The following MRPS5 variants were observed in gnomAD, a reference collection of about 807,000 sequenced individuals.
MRPS5 encodes mitochondrial ribosomal protein S5.
A neutral mutation model predicts 51.9 loss-of-function variants in MRPS5; 27 were observed. That is an observed-to-expected ratio of 0.52 (90% CI 0.38 to 0.72). The LOEUF (loss-of-function observed/expected upper bound fraction) is 0.72. MRPS5 is among the 30% of genes least tolerant of loss of function. The pLI is 0.00. For synonymous variants in MRPS5, 196 were observed against 193.2 expected (o/e 1.01, Z -0.12); for missense variants, 570 against 545.7 (o/e 1.04, Z -0.44).
In MRPS5 at chr2:95,086,872, A is replaced by C. The variant is rs1675305071; in HGVS notation, c.*485T>G. On this transcript the variant is annotated 3_prime_UTR_variant, in exon 12 of 12. Coordinates refer to ENST00000272418, the MANE Select transcript of MRPS5 (RefSeq NM_031902.5). Reference sequence around the variant, plus strand: ...CAAGTCAAAATTGCAATGGTATACAATTAATATACCATTTAACATTCCCAA... The same window carrying C: ...CAAGTCAAAATTGCAATGGTATACACTTAATATACCATTTAACATTCCCAA... Among the ~76,000 whole-genome samples, 1 of 152,208 alleles carries C rather than the reference A, an allele frequency of 6.6e-6. No individual in the cohort carries two copies. Among genetic ancestry groups the C allele is most frequent in the South Asian group, 2.1e-4 (1 of 4,834 alleles).
At chr2:95,087,999 AC>A (rs1279730405) in intron 11 of MRPS5, among the ~76,000 whole-genome samples, 1 of 115,942 alleles carries the variant, frequency 8.6e-6, no homozygotes, top group Non-Finnish European at 1.6e-5. Context: ...AAAACAAACA[AC>A]CTGGTTTCCT....
At position 95,087,304 on chromosome 2, in the gene MRPS5, G is replaced by A; in HGVS notation, c.*53C>T. On this transcript the variant is annotated 3_prime_UTR_variant, in exon 12 of 12. Transcript: ENST00000272418. Reference sequence around the variant, plus strand: ...AACATCCCAAGCTGTGAGGGGCTGAGTCTCTCCTAGGTGCAGGGCAGCACA... The same window carrying A: ...AACATCCCAAGCTGTGAGGGGCTGAATCTCTCCTAGGTGCAGGGCAGCACA... 6.9e-7 allele frequency: 1 copy of A among 1,441,836 alleles called. No individual in the cohort carries two copies. Among genetic ancestry groups the A allele is most frequent in the Non-Finnish European group, 9.7e-7 (1 of 1,033,840 alleles). 89.3% of individuals were successfully genotyped at this position (1,441,836 alleles called of 1,614,324 possible). A position where few individuals can be genotyped will look rare whatever the true frequency, so the allele number is the denominator to read the frequency against.
upstream of MRPS5, chr2:95,121,922 G>A (rs1301590740): frequency 1.7e-5 from 18 of 1,074,992 alleles, no homozygotes; most frequent in Admixed American, 3.0e-5. Context: ...ACGCAGCAGC[G>A]CAGGCCGGGG....
intron 10 of MRPS5, among the ~76,000 whole-genome samples, chr2:95,095,752 A>C (rs765795835): frequency 6.6e-6 from 1 of 152,234 alleles, no homozygotes; most frequent in Non-Finnish European, 1.5e-5. Flanking sequence ...AAGAGAAAGC[A>C]GGAAAGATCT....
At chr2:95,115,005 C>A in intron 3 of MRPS5, 61 bp downstream of exon 3, 1 of 1,397,868 alleles carries the variant, frequency 7.2e-7, no homozygotes, top group African/African-American at 1.5e-5. Flanking sequence ...AAGAAAAATT[C>A]AGATATAAGA....
chr2:95,119,938 C>G (rs1260679501), intron 1 of MRPS5, among the ~76,000 whole-genome samples: 2 of 152,140 alleles, frequency 1.3e-5, no homozygotes, highest in African/African-American at 4.8e-5. Context: ...TGGCATGCAC[C>G]TGTAATCCCA....
Position 95,106,424 on chromosome 2 carries a change from T to C in MRPS5, c.671A>G (p.Glu224Gly). ...TYEDFDTRIL[E>G]VRNVFTMTAK... ...AGGTATTTAATTCTGCATGCCTACC[T>C]CAAGTATCCTGGTATCAAAATCCTC... is the stretch of plus-strand genomic sequence containing the variant. The change falls in exon 6 of 12, where the codon GAG becomes GGG. Residue 224 changes from glutamate (E) to glycine (G), a missense_variant and splice_region_variant. Coordinates refer to ENST00000272418, the MANE Select transcript of MRPS5 (RefSeq NM_031902.5). 7.1e-7 allele frequency: 1 copy of C among 1,399,928 alleles called. No homozygotes were observed. Among genetic ancestry groups the C allele is most frequent in the South Asian group, 1.1e-5 (1 of 88,486 alleles). 86.7% of individuals were successfully genotyped at this position (1,399,928 alleles called of 1,614,324 possible). A position where few individuals can be genotyped will look rare whatever the true frequency, so the allele number is the denominator to read the frequency against.
rs1339501292 is a variant in MRPS5, at chr2:95,085,600, C to T, written c.*1757G>A. On this transcript the variant is annotated 3_prime_UTR_variant, in exon 12 of 12. Transcript: ENST00000272418. ...CTAACATGGCCTGCTCCCTATCCCA[C>T]GGTGCCATTAGGGTGCTCCTCCTAC... Among the ~76,000 whole-genome samples, 1 of 152,168 alleles carries T rather than the reference C, an allele frequency of 6.6e-6. No individual in the cohort carries two copies. The highest frequency in any genetic ancestry group is 2.1e-4 in the South Asian group (1 of 4,824).
chr2:95,121,676 GCGAGCC>G, intron 1 of MRPS5, 52 bp downstream of exon 1: 1 of 1,504,306 alleles, frequency 6.6e-7, no homozygotes, highest in African/African-American at 1.4e-5. Context: ...CAGGCCCCAG[GCGAGCC>G]CCCCACTCCC....
intron 10 of MRPS5, among the ~76,000 whole-genome samples, chr2:95,097,250 A>T (rs1675654214): frequency 6.6e-6 from 1 of 152,218 alleles, no homozygotes; most frequent in Non-Finnish European, 1.5e-5. Flanking sequence ...GTATCGTGAA[A>T]ATGGCCATGC....
chr2:95,121,633 G>T, intron 1 of MRPS5, 101 bp downstream of exon 1: 2 of 1,323,586 alleles, frequency 1.5e-6, no homozygotes, highest in Non-Finnish European at 2.0e-6. Context: ...GCCGGGGGCC[G>T]CGGCTTCTCG....
intron 2 of MRPS5, among the ~76,000 whole-genome samples, chr2:95,115,487 C>G (rs1676260405): frequency 6.6e-6 from 1 of 152,200 alleles, no homozygotes; most frequent in African/African-American, 2.4e-5. Context: ...CATTCGCTAA[C>G]CTAGGTCAGC....
In MRPS5 at chr2:95,087,249, A is replaced by T; in HGVS notation, c.*108T>A. On this transcript the variant is annotated 3_prime_UTR_variant, in exon 12 of 12. Transcript: ENST00000272418. Reference sequence around the variant, plus strand: ...TATTTCCAAAGAGTTTAAAGATTAAACTTCCCTCAAAACAAACAAAAGGCA... The same window carrying T: ...TATTTCCAAAGAGTTTAAAGATTAATCTTCCCTCAAAACAAACAAAAGGCA... 1 of 757,550 alleles carries T rather than the reference A, an allele frequency of 1.3e-6. No homozygotes were observed. The highest frequency in any genetic ancestry group is 2.1e-6 in the Non-Finnish European group (1 of 466,030). The allele number at this position is 757,550 out of a possible 1,614,324, so 46.9% of individuals were successfully genotyped here. A position where few individuals can be genotyped will look rare whatever the true frequency, so the allele number is the denominator to read the frequency against.
chr2:95,121,906 G>A (rs1479827309), upstream of MRPS5: 6 of 1,205,466 alleles, frequency 5.0e-6, no homozygotes, highest in South Asian at 1.6e-5. Flanking sequence ...CCTGAGGCCC[G>A]AGTCCACGCA....
intron 3 of MRPS5, 33 bp from the exon 4 acceptor site, chr2:95,110,074 T>C (rs376264831): frequency 2.5e-6 from 4 of 1,598,006 alleles, no homozygotes; most frequent in Non-Finnish European, 3.4e-6. Flanking sequence ...TTCTTAATTC[T>C]GTAGTTTTCA....
At chr2:95,101,604 G>T in intron 8 of MRPS5, 73 bp downstream of exon 8, 2 of 1,171,370 alleles carry the variant, frequency 1.7e-6, no homozygotes, top group South Asian at 3.0e-5. Context: ...ATTGTTTTGT[G>T]GTTCCCACTG....
chr2:95,102,022 T>C (rs1235828468), intron 7 of MRPS5: 5 of 273,196 alleles, frequency 1.8e-5, no homozygotes. Flanking sequence ...TAGCCAGGCA[T>C]GCTGGTGCAT....
At chr2:95,114,954 A>G in intron 3 of MRPS5, 112 bp downstream of exon 3, 1 of 979,016 alleles carries the variant, frequency 1.0e-6, no homozygotes, top group Non-Finnish European at 1.4e-6. Context: ...TTAACAGTAC[A>G]TTGTAAACTA....
chr2:95,121,611 A>ACGGCGTGAAGAGCCGGGGGCC, intron 1 of MRPS5, 123 bp downstream of exon 1: 1 of 1,088,828 alleles, frequency 9.2e-7, no homozygotes, highest in Non-Finnish European at 1.3e-6. Context: ...AGGTGGGGGC[A>ACGGCGTGAAGAGCCGGGGGCC]CGGCGTGAAG....
Sources: allele counts gnomAD v4.1 joint callset (sites outside exome capture counted in the v4.1 genomes callset), GRCh38; gene constraint gnomAD v4.1.1; transcripts MANE v1.5; gene names NCBI Gene and HGNC (gene_info 2026-07-23, HGNC 2026-07-21).